Variants in SAFB observed in about 807,000 individuals in gnomAD.
SAFB encodes scaffold attachment factor B1.
In SAFB, 15 loss-of-function variants were observed where a neutral mutation model predicts 101.6. That is an observed-to-expected ratio of 0.15 (90% CI 0.10 to 0.23). SAFB has a LOEUF of 0.23. SAFB is among the 10% of genes least tolerant of loss of function. The pLI is 1.00. For synonymous variants in SAFB, 449 were observed against 407.5 expected, an observed-to-expected ratio of 1.10 and a Z score of -1.23; for missense variants, 930 against 1,104.1, an observed-to-expected ratio of 0.84 and a Z score of 2.23.
rs757607710 is a variant in SAFB, at chr19:5,641,850, C to T, written c.450C>T (p.Asp150=). Residue 150 remains aspartate (D), a synonymous_variant, in exon 4 of 21, where the codon GAC becomes GAT. Transcript: ENST00000588852. Reference sequence around the variant, plus strand: ...GAAGCGTTGCAGATTGTGTCGAAGACGATGATGCTGATAACCTCCAGGAGT... The same window carrying T: ...GAAGCGTTGCAGATTGTGTCGAAGATGATGATGCTGATAACCTCCAGGAGT... The part of the protein sequence containing the change: ...DNGSVADCVE[D]DDADNLQESL... 1.7e-5 allele frequency: 28 copies of T among 1,613,980 alleles called. No individual in the cohort carries two copies. Among genetic ancestry groups the T allele is most frequent in the Admixed American group, 1.2e-4 (7 of 60,006 alleles).
intron 15 of SAFB, among the ~76,000 whole-genome samples, chr19:5,662,337 A>C (rs920952100): frequency 2.0e-5 from 3 of 152,048 alleles, no homozygotes; most frequent in Admixed American, 6.5e-5. Flanking sequence ...GTCTCTACTA[A>C]AATACAAAAA....
At chr19:5,663,690 G>A (rs1269161062) in intron 15 of SAFB, among the ~76,000 whole-genome samples, 4 of 152,166 alleles carry the variant, frequency 2.6e-5, no homozygotes, top group Admixed American at 1.3e-4. Context: ...AGAGCCCCTC[G>A]GGGTGGAGGC....
intron 15 of SAFB, among the ~76,000 whole-genome samples, chr19:5,662,663 T>C (rs2054240849): frequency 6.8e-6 from 1 of 147,572 alleles, no homozygotes; most frequent in Non-Finnish European, 1.5e-5. Flanking sequence ...TTTTTTGAGA[T>C]AGAGTCTCGC....
intron 8 of SAFB, among the ~76,000 whole-genome samples, chr19:5,650,511 T>C (rs1268582089): frequency 1.3e-5 from 2 of 152,098 alleles, no homozygotes; most frequent in Non-Finnish European, 2.9e-5. Context: ...TCCCGGGTTC[T>C]AGAGATTCTC....
rs776099156 is a variant in SAFB at position 5,667,082 on chromosome 19, G to T, written c.2371G>T (p.Gly791Cys). 1.2e-6 allele frequency: 2 copies of T among 1,612,690 alleles called. No homozygotes were observed. Among genetic ancestry groups the T allele is most frequent in the South Asian group, 2.2e-5 (2 of 91,062 alleles). The change falls in exon 18 of 21, where the codon GGC becomes TGC. Residue 791 changes from glycine to cysteine, a missense_variant. Gly to Cys is a radical substitution (Grantham distance 159). This residue lies in a region of SAFB where 318 missense variants were observed against 342.6 expected (regional missense o/e 0.93). Coordinates refer to ENST00000588852, the MANE Select transcript of SAFB (RefSeq NM_001201338.2). The surrounding 1 kb of genome is among the most constrained non-coding windows in gnomAD (Gnocchi z 4.0). ...ACGCCATGGAGGACCAGAGCGCCACGGCCGGGACTCCCGCGATGGCTGGGG... is the reference window on the plus strand; with the variant it reads ...ACGCCATGGAGGACCAGAGCGCCACTGCCGGGACTCCCGCGATGGCTGGGG... Reference protein sequence around the residue: ...PERHGGPERHGRDSRDGWGGY... With the variant: ...PERHGGPERHCRDSRDGWGGY...
chr19:5,648,761 T>A, intron 6 of SAFB: 1 of 729,506 alleles, frequency 1.4e-6, no homozygotes, highest in Non-Finnish European at 2.4e-6. Context: ...GGGGGTTAAA[T>A]CTCTGGGATG....
intron 4 of SAFB, among the ~76,000 whole-genome samples, chr19:5,644,606 T>A (rs1458462033): frequency 6.6e-6 from 1 of 152,314 alleles, no homozygotes; most frequent in Non-Finnish European, 1.5e-5. Flanking sequence ...TCTTTCCTAG[T>A]GAAATATAGT....
In SAFB at chr19:5,654,079, G is replaced by A. The variant is rs766479148; in HGVS notation, c.1545G>A (p.Arg515=). ...TTTATAGATCTACAAACCTTAAGAG[G>A]GATGATAAATGTGACAGAAAAGATG... is the stretch of plus-strand genomic sequence containing the variant. ...SNSDRSTNLK[R]DDKCDRKDDA... is the part of the protein sequence containing the mutation. Residue 515 remains arginine (R), a synonymous_variant, in exon 12 of 21, where the codon AGG becomes AGA. Transcript: ENST00000588852. The A allele has an allele frequency of 6.2e-7, 1 of 1,614,098 alleles. No homozygotes were observed. Among genetic ancestry groups the A allele is most frequent in the Admixed American group, 1.7e-5 (1 of 60,014 alleles).
At chr19:5,664,500 C>T (rs2054286761) in intron 17 of SAFB, 61 bp downstream of exon 17, 2 of 1,294,570 alleles carry the variant, frequency 1.5e-6, no homozygotes, top group East Asian at 4.6e-5. Flanking sequence ...CTTTTCCCTT[C>T]AGCGTGCCTT....
At chr19:5,628,642 A>G (rs1434998577) in intron 2 of SAFB, among the ~76,000 whole-genome samples, 1 of 152,166 alleles carries the variant, frequency 6.6e-6, no homozygotes, top group Non-Finnish European at 1.5e-5. Flanking sequence ...GATAATAACT[A>G]ATACTTGGTG....
chr19:5,667,201 CCCG>C lies in SAFB; in HGVS notation c.2453+40_2453+42del. The C allele has an allele frequency of 7.6e-7, 1 of 1,322,020 alleles. No individual in the cohort carries two copies. Among genetic ancestry groups the C allele is most frequent in the South Asian group, 1.3e-5 (1 of 75,126 alleles). The allele number at this position is 1,322,020 out of a possible 1,614,324, so 81.9% of individuals were successfully genotyped here. A position where few individuals can be genotyped will look rare whatever the true frequency, so the allele number is the denominator to read the frequency against. ...ACACCCGACAGTACCTGACCCCCCC[CCCG>C]CCCACAAGGGGGCCCGCAAGTCGCT... is the stretch of plus-strand genomic sequence containing the variant. On this transcript the variant is annotated intron_variant, in intron 18 of 20. Transcript: ENST00000588852. The surrounding 1 kb of genome is among the most constrained non-coding windows in gnomAD (Gnocchi z 4.0).
chr19:5,624,496 C>T (rs1366720487), intron 1 of SAFB, among the ~76,000 whole-genome samples: 3 of 152,012 alleles, frequency 2.0e-5, no homozygotes, highest in Non-Finnish European at 4.4e-5. Context: ...TTTCCTTATT[C>T]CTGTAGCTTT....
chr19:5,659,445 G>A (rs936868370), intron 14 of SAFB, among the ~76,000 whole-genome samples: 3 of 151,342 alleles, frequency 2.0e-5, no homozygotes, highest in Non-Finnish European at 4.4e-5. Flanking sequence ...ACAGTGGCAC[G>A]ATCTCAGCTC....
At chr19:5,633,717 T>G (rs1041529988) in intron 2 of SAFB, among the ~76,000 whole-genome samples, 1 of 151,124 alleles carries the variant, frequency 6.6e-6, no homozygotes, top group African/African-American at 2.4e-5. Context: ...AGGTGGAGCT[T>G]GCAGTGAGCC....
Position 5,667,947 on chromosome 19 carries a change from G to A in SAFB, c.2624+61G>A. On this transcript the variant is annotated intron_variant, in intron 20 of 20. Transcript: ENST00000588852. This position sits in a 1 kb window ranked among gnomAD's most constrained non-coding sequence, Gnocchi z 4.0. ...CTTTGCATATTGGCCTACCTTGCTG[G>A]AGGCTTAACAACCAAGTCCTTCCAG... 6.6e-7 allele frequency: 1 copy of A among 1,513,362 alleles called. No individual in the cohort carries two copies. The highest frequency in any genetic ancestry group is 8.9e-7 in the Non-Finnish European group (1 of 1,117,590). The allele number at this position is 1,513,362 out of a possible 1,614,324, so 93.7% of individuals were successfully genotyped here.
rs2053928137 is a variant in SAFB, at chr19:5,651,077, G to A, written c.1293+5G>A. On this transcript the variant is annotated splice_donor_5th_base_variant and intron_variant, in intron 9 of 20. Coordinates refer to ENST00000588852, the MANE Select transcript of SAFB (RefSeq NM_001201338.2). The stretch of plus-strand genomic sequence containing the variant: ...CTTTTCAGCAAATATGGGAAGGTAA[G>A]TGCCAGAGCTTTTCTGGAGAAGATA... 6.3e-7 allele frequency: 1 copy of A among 1,577,500 alleles called. No individual in the cohort carries two copies. Among genetic ancestry groups the A allele is most frequent in the Non-Finnish European group, 8.7e-7 (1 of 1,153,190 alleles).
chr19:5,654,489 C>A, intron 13 of SAFB, 33 bp downstream of exon 13: 1 of 1,259,188 alleles, frequency 7.9e-7, no homozygotes, highest in Non-Finnish European at 1.2e-6. Context: ...GGGTATTTTG[C>A]TCTTCTTTTC....
At position 5,626,838 on chromosome 19, in the gene SAFB, G is replaced by A. The variant is rs1031692548; in HGVS notation, c.274+349G>A. On this transcript the variant is annotated intron_variant, in intron 2 of 20. Transcript: ENST00000588852. ...TGGTAGGAGGATCACATGAGCCTGG[G>A]AGTTCAAGACCAGCCTGGGCAACAT... Among the ~76,000 whole-genome samples the A allele has an allele frequency of 3.3e-5, 5 of 152,188 alleles. No individual in the cohort carries two copies. In the East Asian group the frequency reaches 9.6e-4, roughly 29 times the overall value.
chr19:5,651,922 G>A (rs1270890850), intron 9 of SAFB, among the ~76,000 whole-genome samples: 1 of 152,242 alleles, frequency 6.6e-6, no homozygotes. Flanking sequence ...CAGGCTGGGT[G>A]TGGTGGCTCA....
Sources: gnomAD v4.1 joint callset for allele counts (sites outside exome capture counted in the v4.1 genomes callset) on GRCh38, gnomAD v4.1.1 for gene constraint, gnomAD v4.1.1 regional missense constraint, Gnocchi (gnomAD v3.1) non-coding constraint, MANE v1.5 for transcripts, NCBI Gene and HGNC (gene_info 2026-07-23, HGNC 2026-07-21) for gene names.